FOXL2NB: variants seen among roughly 807,000 people sequenced by gnomAD.
FOXL2NB encodes the protein FOXL2 neighbor.
Under a neutral mutation model 7.4 loss-of-function variants are expected in FOXL2NB, and 10 were observed. The ratio of observed to expected loss-of-function variants is 1.34; its 90% CI spans 0.83 to 2.28. The LOEUF (loss-of-function observed/expected upper bound fraction) is 2.28, where lower values mean the gene tolerates loss of function less well. FOXL2NB is among the 30% of genes most tolerant of loss of function. The pLI, the probability that FOXL2NB is intolerant of heterozygous loss-of-function variation, is 0.00. For missense variants in FOXL2NB, 228 were observed against 233.9 expected, an observed-to-expected ratio of 0.97 and a Z score of 0.17; for synonymous variants, 104 against 105.3, an observed-to-expected ratio of 0.99 and a Z score of 0.08.
Position 138,947,853 on chromosome 3 carries a change from C to T in FOXL2NB, c.100+389C>T, listed in dbSNP as rs1321457654. 2.0e-6 allele frequency: 2 copies of T among 1,009,422 alleles called. No homozygotes were observed. Among genetic ancestry groups the T allele is most frequent in the Non-Finnish European group, 2.4e-6 (2 of 845,848 alleles). The allele number at this position is 1,009,422 out of a possible 1,614,324, so 62.5% of individuals were successfully genotyped here. The stretch of plus-strand genomic sequence containing the variant: ...GCTTTAACAGCACCAAGTAGATGCC[C>T]CTCAGCTATTGCACTAACACAGGCG... On this transcript the variant is annotated intron_variant, in intron 1 of 2. Transcript: ENST00000383165. This position sits in a 1 kb window ranked among gnomAD's most constrained non-coding sequence, Gnocchi z 5.2.
At chr3:138,950,241 T>C in intron 2 of FOXL2NB, 24 bp from the exon 3 acceptor site, 1 of 1,604,222 alleles carries the variant, frequency 6.2e-7, no homozygotes, top group Non-Finnish European at 8.5e-7. Flanking sequence ...TACACGGCTC[T>C]GATACAGACG....
At position 138,951,953 on chromosome 3, in the gene FOXL2NB, A is replaced by G. The variant is rs1936139267; in HGVS notation, c.*1381A>G. ...TTTCCTTATAATGAAGTTATAATGA[A>G]GTTAGAATTTCCAAGAAAGGGACTG... On this transcript the variant is annotated 3_prime_UTR_variant, in exon 3 of 3. Transcript: ENST00000383165. 1 of 152,222 alleles carries G rather than the reference A, an allele frequency of 6.6e-6. No homozygotes were observed. Among genetic ancestry groups the G allele is most frequent in the African/African-American group, 2.4e-5 (1 of 41,448 alleles). The allele number at this position is 152,222 out of a possible 1,614,324, so 9.4% of individuals were successfully genotyped here.
intron 2 of FOXL2NB, 89 bp from the exon 3 acceptor site, chr3:138,950,176 C>T (rs769008676): frequency 2.1e-6 from 3 of 1,412,368 alleles, no homozygotes; most frequent in Non-Finnish European, 3.0e-6. Context: ...GCTCCCGCGC[C>T]TCCTCGCAGC....
intron 2 of FOXL2NB, 194 bp from the exon 3 acceptor site, chr3:138,950,071 C>A (rs1443428139): frequency 2.8e-6 from 2 of 722,840 alleles, no homozygotes; most frequent in Admixed American, 4.0e-5. Context: ...CCCGCAGCTG[C>A]AATTCAGCAG....
rs1936153375 is a variant in FOXL2NB at position 138,952,480 on chromosome 3, TGTGTATGTGTGC to T, written c.*1909_*1920del. The T allele has an allele frequency of 1.3e-5, 2 of 151,928 alleles. No individual in the cohort carries two copies. The highest frequency in any genetic ancestry group is 4.9e-5 in the African/African-American group (2 of 41,152). 9.4% of individuals were successfully genotyped at this position (151,928 alleles called of 1,614,324 possible). A position where few individuals can be genotyped will look rare whatever the true frequency, so the allele number is the denominator to read the frequency against. On this transcript the variant is annotated 3_prime_UTR_variant, in exon 3 of 3. Coordinates refer to ENST00000383165, the MANE Select transcript of FOXL2NB (RefSeq NM_001040061.3). ...GTGTGTGTGTGTGTGTGTATGTGTG[TGTGTATGTGTGC>T]ACTATAACTTTATGAAACACTTTTT...
rs1209983847 is a variant in FOXL2NB at position 138,952,425 on chromosome 3, G to A, written c.*1853G>A. 1 of 152,128 alleles carries A rather than the reference G, an allele frequency of 6.6e-6. No homozygotes were observed. The highest frequency in any genetic ancestry group is 1.5e-5 in the Non-Finnish European group (1 of 68,098). 9.4% of individuals were successfully genotyped at this position (152,128 alleles called of 1,614,324 possible). A position where few individuals can be genotyped will look rare whatever the true frequency, so the allele number is the denominator to read the frequency against. ...AGTTTTGTATTACTGTTCTACCTTT[G>A]GAGATTTTCCTCATGCCAAGATAGG... On this transcript the variant is annotated 3_prime_UTR_variant, in exon 3 of 3. Transcript: ENST00000383165.
Position 138,947,447 on chromosome 3 carries a change from C to G in FOXL2NB, c.83C>G (p.Ala28Gly), listed in dbSNP as rs1360051750. The change falls in exon 1 of 3, where the codon GCC becomes GGC. Residue 28 changes from alanine to glycine, a missense_variant. Coordinates refer to ENST00000383165, the MANE Select transcript of FOXL2NB (RefSeq NM_001040061.3). The surrounding 1 kb of genome is among the most constrained non-coding windows in gnomAD (Gnocchi z 5.2). Reference sequence around the variant, plus strand: ...CCCCAGCGAGGAAAGGCGCTCCAAGCCTCCTCGCGGCTTTCAGGTGAAAGA... The same window carrying G: ...CCCCAGCGAGGAAAGGCGCTCCAAGGCTCCTCGCGGCTTTCAGGTGAAAGA... ...LGPQRGKALQ[A>G]SSRLSESPAL... 1.9e-6 allele frequency: 3 copies of G among 1,545,010 alleles called. No homozygotes were observed. The highest frequency in any genetic ancestry group is 2.6e-6 in the Non-Finnish European group (3 of 1,142,972).
rs1936159510 is a variant in FOXL2NB, at chr3:138,952,883, A to G, written c.*2311A>G. 6.6e-6 allele frequency: 1 copy of G among 151,506 alleles called. No individual in the cohort carries two copies. Among genetic ancestry groups the G allele is most frequent in the African/African-American group, 2.4e-5 (1 of 41,194 alleles). 9.4% of individuals were successfully genotyped at this position (151,506 alleles called of 1,614,324 possible). A position where few individuals can be genotyped will look rare whatever the true frequency, so the allele number is the denominator to read the frequency against. On this transcript the variant is annotated 3_prime_UTR_variant, in exon 3 of 3. Coordinates refer to ENST00000383165, the MANE Select transcript of FOXL2NB (RefSeq NM_001040061.3). ...GGGGGAACAGGTGGTTTTTGCTTAC[A>G]TGGATAAGTTCTTTAATGGTAATTT... is the stretch of plus-strand genomic sequence containing the variant.
Position 138,950,289 on chromosome 3 carries a change from A to T in FOXL2NB, c.245A>T (p.Gln82Leu), listed in dbSNP as rs1214347960. 2 of 1,605,952 alleles carry T rather than the reference A, an allele frequency of 1.2e-6. No homozygotes were observed. ...GGGCCGGGAATCCTGCAACAGCGGCAGAAGCCGCCCGCGCCTCGGGCTTCC... is the reference window on the plus strand; with the variant it reads ...GGGCCGGGAATCCTGCAACAGCGGCTGAAGCCGCCCGCGCCTCGGGCTTCC... ...KTGPGILQQR[Q>L]KPPAPRASGG... The change falls in exon 3 of 3, where the codon CAG (glutamine) becomes CTG (leucine). Residue 82 changes from glutamine (Q) to leucine (L), a missense_variant. Coordinates refer to ENST00000383165, the MANE Select transcript of FOXL2NB (RefSeq NM_001040061.3).
rs1429693234 is a variant in FOXL2NB, at chr3:138,953,693, C to G, written c.*3121C>G. 6.6e-6 allele frequency among the ~76,000 whole-genome samples: 1 copy of G among 152,174 alleles called. No individual in the cohort carries two copies. Among genetic ancestry groups the G allele is most frequent in the African/African-American group, 2.4e-5 (1 of 41,446 alleles). On this transcript the variant is annotated 3_prime_UTR_variant, in exon 3 of 3. Coordinates refer to ENST00000383165, the MANE Select transcript of FOXL2NB (RefSeq NM_001040061.3). ...GGCACTTCAGAAGGTTCCTTCATAT[C>G]TTTTTCCAATCAATATTGCCTCAAA...
Position 138,947,711 on chromosome 3 carries a change from A to G in FOXL2NB, c.100+247A>G. On this transcript the variant is annotated intron_variant, in intron 1 of 2. Coordinates refer to ENST00000383165, the MANE Select transcript of FOXL2NB (RefSeq NM_001040061.3). The surrounding 1 kb of genome is among the most constrained non-coding windows in gnomAD (Gnocchi z 5.2). ...TGGGGCAGGGGAGAGGATCTCTGGA[A>G]ATAGTCGTCAGGGGCGCCGCCTGAA... The G allele has an allele frequency of 8.1e-7, 1 of 1,240,516 alleles. No homozygotes were observed. The highest frequency in any genetic ancestry group is 4.3e-5 in the Admixed American group (1 of 23,328). The allele number at this position is 1,240,516 out of a possible 1,614,324, so 76.8% of individuals were successfully genotyped here. A position where few individuals can be genotyped will look rare whatever the true frequency, so the allele number is the denominator to read the frequency against.
At chr3:138,948,317 A>G (rs527912987) in intron 1 of FOXL2NB, among the ~76,000 whole-genome samples, 1 of 152,356 alleles carries the variant, frequency 6.6e-6, no homozygotes, top group East Asian at 1.9e-4. Context: ...CCAAAGAATC[A>G]GGAGTTAGTT....
rs1936173839 is a variant in FOXL2NB, at chr3:138,953,503, A to G, written c.*2931A>G. On this transcript the variant is annotated 3_prime_UTR_variant, in exon 3 of 3. Transcript: ENST00000383165. ...CTGAGTAGTATTCCATGGTGTATATATATCACATTTTCTTTATCCACTCAT... is the reference window on the plus strand; with the variant it reads ...CTGAGTAGTATTCCATGGTGTATATGTATCACATTTTCTTTATCCACTCAT... 6.6e-6 allele frequency: 1 copy of G among 152,204 alleles called. No homozygotes were observed. Among genetic ancestry groups the G allele is most frequent in the African/African-American group, 2.4e-5 (1 of 41,442 alleles). The allele number at this position is 152,204 out of a possible 1,614,324, so 9.4% of individuals were successfully genotyped here. A position where few individuals can be genotyped will look rare whatever the true frequency, so the allele number is the denominator to read the frequency against.
rs1344606327 is a variant in FOXL2NB at position 138,951,609 on chromosome 3, G to A, written c.*1037G>A. The A allele has an allele frequency of 6.6e-6, 1 of 152,272 alleles. No homozygotes were observed. Among genetic ancestry groups the A allele is most frequent in the Non-Finnish European group, 1.5e-5 (1 of 68,092 alleles). 9.4% of individuals were successfully genotyped at this position (152,272 alleles called of 1,614,324 possible). A position where few individuals can be genotyped will look rare whatever the true frequency, so the allele number is the denominator to read the frequency against. On this transcript the variant is annotated 3_prime_UTR_variant, in exon 3 of 3. Coordinates refer to ENST00000383165, the MANE Select transcript of FOXL2NB (RefSeq NM_001040061.3). Reference sequence around the variant, plus strand: ...CCCTCTTCCCTCCAAAGACCCGTGGGATGCTCTCAGAGGCGGATTCTAGGG... The same window carrying A: ...CCCTCTTCCCTCCAAAGACCCGTGGAATGCTCTCAGAGGCGGATTCTAGGG...
chr3:138,950,563 T>C lies in FOXL2NB; in HGVS notation c.519T>C (p.Cys173=), dbSNP rs146602024. 5,670 of 1,614,096 alleles carry C rather than the reference T, an allele frequency of 3.5e-3. 11 individuals are homozygous for C. The highest frequency in any genetic ancestry group is 4.5e-3 in the Non-Finnish European group (5,267 of 1,179,998). ...RCLASKGKLH[C]VY ...TGGCTAGCAAAGGGAAGCTTCACTG[T>C]GTCTATTAGTACATCCCCATACACT... is the stretch of plus-strand genomic sequence containing the variant. The change falls in exon 3 of 3, where the codon TGT becomes TGC. Residue 173 remains cysteine (C), a synonymous_variant. Transcript: ENST00000383165.
At position 138,949,401 on chromosome 3, in the gene FOXL2NB, T is replaced by TGTGTGTGG; in HGVS notation, c.101-112_101-111insGGTGTGTG. On this transcript the variant is annotated intron_variant, in intron 1 of 2. Transcript: ENST00000383165. This position sits in a 1 kb window ranked among gnomAD's most constrained non-coding sequence, Gnocchi z 4.5. ...GTGTGTATGCATGTGCGTGTGTGTG[T>TGTGTGTGG]GTGTGTGTGTGTGTGTAGGGGTTGG... 1 of 1,097,600 alleles carries TGTGTGTGG rather than the reference T, an allele frequency of 9.1e-7. No individual in the cohort carries two copies. The highest frequency in any genetic ancestry group is 1.3e-6 in the Non-Finnish European group (1 of 759,288). 68.0% of individuals were successfully genotyped at this position (1,097,600 alleles called of 1,614,324 possible).
intron 1 of FOXL2NB, among the ~76,000 whole-genome samples, chr3:138,948,933 C>T (rs576469499): frequency 2.6e-5 from 4 of 152,252 alleles, no homozygotes; most frequent in South Asian, 2.1e-4. Flanking sequence ...TTTTTATGGG[C>T]GGTCTCCCAC....
chr3:138,947,422 C>A lies in FOXL2NB; in HGVS notation c.58C>A (p.Pro20Thr), dbSNP rs776415362. 1.9e-6 allele frequency: 3 copies of A among 1,547,646 alleles called. No individual in the cohort carries two copies. Among genetic ancestry groups the A allele is most frequent in the Admixed American group, 2.0e-5 (1 of 50,910 alleles). Residue 20 changes from proline (P) to threonine (T), a missense_variant, in exon 1 of 3, where the codon CCC becomes ACC. By Grantham distance (38) the Pro-to-Thr change is conservative (BLOSUM62 -1). Transcript: ENST00000383165. This position sits in a 1 kb window ranked among gnomAD's most constrained non-coding sequence, Gnocchi z 5.2. ...CCGGCCAAAGCCCAGGAAGCTCGGG[C>A]CCCAGCGAGGAAAGGCGCTCCAAGC... is the stretch of plus-strand genomic sequence containing the variant. ...RTRPKPRKLG[P>T]QRGKALQASS...
rs1472056476 is a variant in FOXL2NB, at chr3:138,950,704, C to T, written c.*132C>T. 3.4e-6 allele frequency: 3 copies of T among 889,592 alleles called. No individual in the cohort carries two copies. In the East Asian group the frequency reaches 7.6e-5, roughly 23 times the overall value. 55.1% of individuals were successfully genotyped at this position (889,592 alleles called of 1,614,324 possible). ...TCAGGTCACGTTACTCCATCCACTT[C>T]TCTCTCCTTCTCCCTCTGTCAACTC... On this transcript the variant is annotated 3_prime_UTR_variant, in exon 3 of 3. Transcript: ENST00000383165.
Sources: gnomAD v4.1 joint callset for allele counts (sites outside exome capture counted in the v4.1 genomes callset) on GRCh38, gnomAD v4.1.1 for gene constraint, Gnocchi (gnomAD v3.1) non-coding constraint, MANE v1.5 for transcripts, NCBI Gene and HGNC (gene_info 2026-07-23, HGNC 2026-07-21) for gene names.